Variants in COL23A1 observed in about 807,000 individuals in gnomAD.
COL23A1 encodes the protein collagen type XXIII alpha 1 chain.
Under a neutral mutation model 99.3 loss-of-function variants are expected in COL23A1, and 97 were observed. The ratio of observed to expected loss-of-function variants is 0.98; its 90% confidence interval spans 0.83 to 1.16. The LOEUF (loss-of-function observed/expected upper bound fraction) is 1.16. COL23A1 is among the 50% of genes most tolerant of loss of function. The pLI is 0.00. For synonymous variants in COL23A1, 320 were observed against 308.2 expected (o/e 1.04, Z -0.40); for missense variants, 762 against 757.4 (o/e 1.01, Z -0.07).
intron 1 of COL23A1, among the ~76,000 whole-genome samples, chr5:178,588,819 G>A (rs1276588875): frequency 1.3e-5 from 2 of 152,200 alleles, no homozygotes; most frequent in Non-Finnish European, 2.9e-5. Context: ...GATCCCAGCT[G>A]GGCAGTCTAG....
At position 178,288,359 on chromosome 5, in the gene COL23A1, A is replaced by G; in HGVS notation, c.415-9T>C. The stretch of plus-strand genomic sequence containing the variant: ...TCTCGTCCTGATTGCCCCTGTGGTA[A>G]TTAATATGTCATTAATAATCAGAGT... On this transcript the variant is annotated splice_polypyrimidine_tract_variant and intron_variant, in intron 4 of 28. Transcript: ENST00000390654. 1.2e-6 allele frequency: 2 copies of G among 1,611,104 alleles called. No homozygotes were observed. The highest frequency in any genetic ancestry group is 2.7e-5 in the African/African-American group (2 of 75,004).
chr5:178,354,861 A>G (rs1761539180), intron 2 of COL23A1, among the ~76,000 whole-genome samples: 1 of 152,148 alleles, frequency 6.6e-6, no homozygotes, highest in Non-Finnish European at 1.5e-5. Flanking sequence ...GTTCGAAACC[A>G]GCCTGGGCAA....
chr5:178,478,852 G>A (rs557437397), intron 2 of COL23A1, among the ~76,000 whole-genome samples: 1 of 152,170 alleles, frequency 6.6e-6, no homozygotes, highest in Non-Finnish European at 1.5e-5. Context: ...ACTTACCCCA[G>A]AGGATAAAGG....
intron 2 of COL23A1, among the ~76,000 whole-genome samples, chr5:178,354,308 A>G (rs61177701): frequency 0.01 from 1,525 of 152,284 alleles, 27 homozygotes; most frequent in African/African-American, 0.033. Flanking sequence ...TCCTGGGCTC[A>G]AGTGATCTTT....
chr5:178,473,591 C>G (rs1042474722), intron 2 of COL23A1, among the ~76,000 whole-genome samples: 5 of 150,504 alleles, frequency 3.3e-5, no homozygotes, highest in Non-Finnish European at 7.4e-5. Context: ...TGGGATTATA[C>G]TATGCCATTT....
chr5:178,394,219 T>G (rs953026694), intron 2 of COL23A1, among the ~76,000 whole-genome samples: 5 of 152,220 alleles, frequency 3.3e-5, no homozygotes, highest in Non-Finnish European at 7.3e-5. Context: ...CCTGCAGGCC[T>G]GGAGCCTCCT....
chr5:178,494,536 G>A (rs748614198), intron 2 of COL23A1, among the ~76,000 whole-genome samples: 3 of 152,220 alleles, frequency 2.0e-5, no homozygotes, highest in African/African-American at 7.2e-5. Flanking sequence ...GTAGCCTGGC[G>A]TGGTGGCACG....
intron 5 of COL23A1, among the ~76,000 whole-genome samples, chr5:178,287,667 GC>G (rs1757230205): frequency 1.3e-5 from 2 of 152,146 alleles, no homozygotes; most frequent in African/African-American, 4.8e-5. Context: ...AAATGAATCT[GC>G]CCCTCCCCTG....
At chr5:178,358,047 T>TGTATGA (rs1761835842) in intron 2 of COL23A1, among the ~76,000 whole-genome samples, 1 of 151,246 alleles carries the variant, frequency 6.6e-6, no homozygotes, top group Non-Finnish European at 1.5e-5. Flanking sequence ...TATGTGTATG[T>TGTATGA]ATGTCTAATG....
rs140242989 is a variant in COL23A1 at position 178,478,413 on chromosome 5, G to A, written c.361+82269C>T. ...AGGAACTGGCCTCCAGACTCAAAAC[G>A]ATAGTGCCATTTCTTATACAACCTA... On this transcript the variant is annotated intron_variant, in intron 2 of 28. Coordinates refer to ENST00000390654, the MANE Select transcript of COL23A1 (RefSeq NM_173465.4). Among the ~76,000 whole-genome samples, 763 of 152,328 alleles carry A rather than the reference G, an allele frequency of 5.0e-3. 5 individuals carry two copies. Among genetic ancestry groups the A allele is most frequent in the African/African-American group, 0.018 (735 of 41,566 alleles).
intron 5 of COL23A1, among the ~76,000 whole-genome samples, chr5:178,274,577 TG>T (rs35893939): frequency 3.7e-5 from 5 of 136,876 alleles, no homozygotes; most frequent in South Asian, 2.2e-4. Flanking sequence ...TGGCTGGGTG[TG>T]GGGGGGGTCT....
At chr5:178,407,375 AT>A (rs1393585240) in intron 2 of COL23A1, among the ~76,000 whole-genome samples, 1 of 152,248 alleles carries the variant, frequency 6.6e-6, no homozygotes, top group Non-Finnish European at 1.5e-5. Context: ...GAAGCACAAG[AT>A]TTAACAAAAT....
intron 2 of COL23A1, among the ~76,000 whole-genome samples, chr5:178,532,294 T>TG (rs1238322618): frequency 3.9e-5 from 6 of 152,204 alleles, no homozygotes; most frequent in African/African-American, 1.4e-4. Flanking sequence ...GCAAGGCCCC[T>TG]GGGAGAGGCT....
At chr5:178,512,354 A>G (rs1443202473) in intron 2 of COL23A1, among the ~76,000 whole-genome samples, 2 of 152,242 alleles carry the variant, frequency 1.3e-5, no homozygotes, top group African/African-American at 4.8e-5. Flanking sequence ...TGAGACAAAG[A>G]TATAAATGTA....
rs566172728 is a variant in COL23A1 at position 178,501,670 on chromosome 5, C to G, written c.361+59012G>C. On this transcript the variant is annotated intron_variant, in intron 2 of 28. Coordinates refer to ENST00000390654, the MANE Select transcript of COL23A1 (RefSeq NM_173465.4). The stretch of plus-strand genomic sequence containing the variant: ...TATGATAGAGGGCATTAGGCAACTG[C>G]CACTCTAGTCCCTCAAGAGGCTGTG... 2.9e-3 allele frequency among the ~76,000 whole-genome samples: 434 copies of G among 152,278 alleles called. 2 individuals carry two copies. Among genetic ancestry groups the G allele is most frequent in the African/African-American group, 0.01 (423 of 41,566 alleles).
chr5:178,506,339 C>A (rs1237206431), intron 2 of COL23A1, among the ~76,000 whole-genome samples: 2 of 152,222 alleles, frequency 1.3e-5, no homozygotes, highest in Admixed American at 6.5e-5. Context: ...AGCCTGCACA[C>A]CAGGGCAGCA....
At chr5:178,319,803 C>T (rs189163571) in intron 2 of COL23A1, among the ~76,000 whole-genome samples, 1 of 152,346 alleles carries the variant, frequency 6.6e-6, no homozygotes, top group African/African-American at 2.4e-5. Flanking sequence ...TTTCCCTGGG[C>T]TCTCAGTGCT....
intron 2 of COL23A1, among the ~76,000 whole-genome samples, chr5:178,320,275 G>T (rs1173451276): frequency 6.6e-6 from 1 of 152,234 alleles, no homozygotes; most frequent in Admixed American, 6.5e-5. Flanking sequence ...CCTGAGTGGG[G>T]CCATTAGTGG....
chr5:178,552,764 G>A lies in COL23A1; in HGVS notation c.361+7918C>T, dbSNP rs375711062. On this transcript the variant is annotated intron_variant, in intron 2 of 28. Coordinates refer to ENST00000390654, the MANE Select transcript of COL23A1 (RefSeq NM_173465.4). ...GAGTCTCACTCTGTCGCCAGGCTGG[G>A]GTGCAGTGGTGCGATCTTGGCTCAC... Among the ~76,000 whole-genome samples, 44 of 151,402 alleles carry A rather than the reference G, an allele frequency of 2.9e-4. No homozygotes were observed. In the East Asian group the frequency reaches 3.6e-3, roughly 12 times the overall value.
Sources: allele counts gnomAD v4.1 joint callset (sites outside exome capture counted in the v4.1 genomes callset), GRCh38; gene constraint gnomAD v4.1.1; transcripts MANE v1.5; gene names NCBI Gene and HGNC (gene_info 2026-07-23, HGNC 2026-07-21).